OTOGL: variants seen among roughly 807,000 people sequenced by gnomAD.
OTOGL encodes the protein otogelin like.
Under a neutral mutation model 318.5 loss-of-function variants are expected in OTOGL, and 285 were observed. The ratio of observed to expected loss-of-function variants is 0.89; its 90% CI spans 0.81 to 0.99. The LOEUF is 0.99. Among genes scored for constraint, OTOGL ranks in the 50% least tolerant of loss-of-function variants. OTOGL has a pLI of 0.00. For missense variants in OTOGL, 2,899 were observed against 2,845.6 expected, an observed-to-expected ratio of 1.02 and a Z score of -0.43; for synonymous variants, 987 against 936.5, an observed-to-expected ratio of 1.05 and a Z score of -0.99.
chr12:80,100,725 T>C (rs1869088243), intron 1 of OTOGL, among the ~76,000 whole-genome samples: 1 of 152,144 alleles, frequency 6.6e-6, no homozygotes, highest in Admixed American at 6.6e-5. Context: ...GGAGACATTA[T>C]TACAACTCCA....
At chr12:80,307,135 G>A (rs1275625059) in intron 29 of OTOGL, among the ~76,000 whole-genome samples, 1 of 150,902 alleles carries the variant, frequency 6.6e-6, no homozygotes, top group African/African-American at 2.5e-5. Context: ...TAAGGTCACC[G>A]ATCAACAGGA....
intron 4 of OTOGL, among the ~76,000 whole-genome samples, chr12:80,215,806 GA>G (rs1306705588): frequency 2.6e-5 from 4 of 152,170 alleles, no homozygotes; most frequent in African/African-American, 9.7e-5. Flanking sequence ...CAATGTGGCT[GA>G]AGAGAGAATA....
chr12:80,339,295 T>TA, intron 43 of OTOGL, 31 bp downstream of exon 43: 2 of 1,308,142 alleles, frequency 1.5e-6, no homozygotes, highest in Non-Finnish European at 2.0e-6. Flanking sequence ...CTTGATTTCG[T>TA]CTGTTTTTTT....
Position 80,262,037 on chromosome 12 carries a change from G to A in OTOGL, c.1958G>A (p.Cys653Tyr). 6.2e-7 allele frequency: 1 copy of A among 1,613,090 alleles called. No individual in the cohort carries two copies. Residue 653 changes from cysteine (C) to tyrosine (Y), a missense_variant, in exon 19 of 59, where the codon TGT (cysteine) becomes TAT (tyrosine). Cys to Tyr is a radical substitution (Grantham distance 194, BLOSUM62 -2). This residue lies in a region of OTOGL where 2,607 missense variants were observed against 2,524.9 expected (regional missense o/e 1.03). Coordinates refer to ENST00000547103, the MANE Select transcript of OTOGL (RefSeq NM_001378609.3). ...AATGCGTGGAGAGTTTCTTCTACCT[G>A]TTTTGCACCTGTTCATGTCCCAGTG... Reference protein sequence around the residue: ...HANAWRVSSTCFAPVHVPVVD... With the variant: ...HANAWRVSSTYFAPVHVPVVD...
intron 19 of OTOGL, 42 bp downstream of exon 19, chr12:80,262,135 GGAA>G (rs1882593335): frequency 6.4e-7 from 1 of 1,565,458 alleles, no homozygotes; most frequent in South Asian, 1.2e-5. Context: ...GTAAACTTAG[GGAA>G]AAGTTCTATG....
intron 27 of OTOGL, among the ~76,000 whole-genome samples, chr12:80,297,913 A>G (rs1443187467): frequency 6.6e-6 from 1 of 152,180 alleles, no homozygotes; most frequent in Admixed American, 6.5e-5. Context: ...GCTCCTCCTC[A>G]TACCCTTAAG....
At chr12:80,109,470 G>A (rs951802946) in intron 1 of OTOGL, among the ~76,000 whole-genome samples, 10 of 152,016 alleles carry the variant, frequency 6.6e-5, no homozygotes, top group African/African-American at 2.4e-4. Context: ...GAGTTATGTT[G>A]TATCTATGCA....
intron 26 of OTOGL, 123 bp downstream of exon 26, chr12:80,279,289 A>G (rs1262762833): frequency 9.6e-7 from 1 of 1,043,766 alleles, no homozygotes; most frequent in Non-Finnish European, 1.3e-6. Flanking sequence ...ACAATTATAT[A>G]TATTTTCAAC....
At chr12:80,364,767 A>G (rs2138064515) in intron 52 of OTOGL, among the ~76,000 whole-genome samples, 1 of 152,244 alleles carries the variant, frequency 6.6e-6, no homozygotes, top group East Asian at 1.9e-4. Context: ...TGTTGTTAAT[A>G]ATATTCCATT....
At position 80,380,112 on chromosome 12, in the gene OTOGL, A is replaced by G. The variant is rs1891378605; in HGVS notation, c.*2064A>G. 6.6e-6 allele frequency: 1 copy of G among 152,066 alleles called. No homozygotes were observed. Among genetic ancestry groups the G allele is most frequent in the African/African-American group, 2.4e-5 (1 of 41,450 alleles). The allele number at this position is 152,066 out of a possible 1,614,324, so 9.4% of individuals were successfully genotyped here. On this transcript the variant is annotated 3_prime_UTR_variant, in exon 59 of 59. Transcript: ENST00000547103. ...AAGAAAAATTTGAATTCATACATCC[A>G]TTGACATTAGGATAACCTCCAAATG...
chr12:80,263,904 G>A (rs1433714550), intron 19 of OTOGL, among the ~76,000 whole-genome samples: 1 of 151,544 alleles, frequency 6.6e-6, no homozygotes, highest in Admixed American at 6.6e-5. Flanking sequence ...CAGGATCCTT[G>A]GCATTAAGAA....
intron 11 of OTOGL, among the ~76,000 whole-genome samples, chr12:80,247,357 T>C (rs1881006861): frequency 1.4e-5 from 2 of 138,550 alleles, no homozygotes; most frequent in African/African-American, 3.1e-5. Context: ...GATTCTGGTA[T>C]GTTGTGTCTT....
intron 11 of OTOGL, among the ~76,000 whole-genome samples, chr12:80,250,768 T>C (rs532040637): frequency 6.6e-6 from 1 of 152,316 alleles, no homozygotes; most frequent in Admixed American, 6.5e-5. Context: ...GCAGCATTCT[T>C]AAGACCATTA....
At chr12:80,342,322 G>A (rs920464323) in intron 44 of OTOGL, among the ~76,000 whole-genome samples, 160 bp downstream of exon 44, 5 of 152,130 alleles carry the variant, frequency 3.3e-5, no homozygotes, top group African/African-American at 4.8e-5. Flanking sequence ...TTGTTTACAG[G>A]CTTACAAACA....
chr12:80,302,743 G>C lies in OTOGL; in HGVS notation c.3173G>C (p.Arg1058Thr), dbSNP rs1359947300. The change falls in exon 28 of 59, where the codon AGG becomes ACG. Residue 1058 changes from arginine to threonine, a missense_variant. By Grantham distance (71) the Arg-to-Thr change is moderately conservative. This residue lies in a region of OTOGL where 2,607 missense variants were observed against 2,524.9 expected (regional missense o/e 1.03). Coordinates refer to ENST00000547103, the MANE Select transcript of OTOGL (RefSeq NM_001378609.3). ...PEKDITILWDRKTTIHIKVGP... is the reference protein window; with the variant it reads ...PEKDITILWDTKTTIHIKVGP... ...AAAGATATCACTATTCTTTGGGATA[G>C]GAAGACAACTATTCATATCAAAGTT... 3 of 1,540,952 alleles carry C rather than the reference G, an allele frequency of 1.9e-6. No homozygotes were observed. The highest frequency in any genetic ancestry group is 1.4e-5 in the African/African-American group (1 of 73,236).
chr12:80,102,830 C>G, intron 1 of OTOGL: 1 of 665,842 alleles, frequency 1.5e-6, no homozygotes, highest in Admixed American at 2.5e-5. Context: ...TCTCGGAGCT[C>G]TAGTCATAAG....
chr12:80,191,839 A>C (rs917803834), intron 1 of OTOGL, among the ~76,000 whole-genome samples: 1 of 152,210 alleles, frequency 6.6e-6, no homozygotes, highest in Non-Finnish European at 1.5e-5. Context: ...GAATGGCAAG[A>C]GAGGAACTAG....
intron 4 of OTOGL, among the ~76,000 whole-genome samples, chr12:80,213,800 C>A (rs547911749): frequency 6.6e-6 from 1 of 152,070 alleles, no homozygotes. Context: ...AAAAGAAGAG[C>A]GGGCAATGAG....
chr12:80,317,018 G>T (rs1258958838), intron 32 of OTOGL, among the ~76,000 whole-genome samples: 1 of 152,052 alleles, frequency 6.6e-6, no homozygotes, highest in South Asian at 2.1e-4. Context: ...GAATTCAAAG[G>T]TTATTGCTGA....
Sources: allele counts gnomAD v4.1 joint callset (sites outside exome capture counted in the v4.1 genomes callset), GRCh38; gene constraint gnomAD v4.1.1; regional missense constraint gnomAD v4.1.1; transcripts MANE v1.5; gene names NCBI Gene and HGNC (gene_info 2026-07-23, HGNC 2026-07-21).